The following PDK1 variants were observed in gnomAD, a reference collection of about 807,000 sequenced individuals.
PDK1 encodes the protein [Pyruvate dehydrogenase (acetyl-transferring)] kinase isozyme 1, mitochondrial.
PDK1 carries 39 observed loss-of-function variants against 54.2 expected under a neutral mutation model. The ratio of observed to expected loss-of-function variants is 0.72; its 90% CI spans 0.56 to 0.94. The LOEUF (loss-of-function observed/expected upper bound fraction) is 0.94. Ranked by LOEUF, PDK1 falls within the 40% of genes least tolerant of loss-of-function variation. The pLI is 0.00. For synonymous variants in PDK1, 221 were observed against 207.1 expected, an observed-to-expected ratio of 1.07 and a Z score of -0.58; for missense variants, 552 against 566.0, an observed-to-expected ratio of 0.98 and a Z score of 0.25.
chr2:172,706,775 G>A, the PDK1 span, among the ~76,000 whole-genome samples: 1 of 152,172 alleles, frequency 6.6e-6, no homozygotes, highest in Non-Finnish European at 1.5e-5. Context: ...TTGTGCCTCT[G>A]GCACTTATTT....
intron 2 of PDK1, among the ~76,000 whole-genome samples, chr2:172,559,558 T>C (rs1470290642): frequency 1.3e-5 from 2 of 152,180 alleles, no homozygotes. Context: ...TATTTACTTT[T>C]TGTTTTTGAA....
At chr2:172,719,519 G>A in the PDK1 span, among the ~76,000 whole-genome samples, 2 of 152,146 alleles carry the variant, frequency 1.3e-5, no homozygotes, top group Non-Finnish European at 2.9e-5. Context: ...GGTATGTAGT[G>A]ATGTCTCAGT....
intron 8 of PDK1, among the ~76,000 whole-genome samples, chr2:172,571,988 C>T (rs530003350): frequency 4.6e-5 from 7 of 151,976 alleles, no homozygotes; most frequent in South Asian, 2.1e-4. Context: ...CCCGCCACCA[C>T]GCCTAGCTAA....
chr2:172,650,655 A>G, the PDK1 span, among the ~76,000 whole-genome samples: 20 of 152,142 alleles, frequency 1.3e-4, no homozygotes, highest in African/African-American at 4.6e-4. Flanking sequence ...CAAATGGAAA[A>G]CAAAAAAAAA....
chr2:172,681,320 G>A, the PDK1 span, among the ~76,000 whole-genome samples: 1 of 146,864 alleles, frequency 6.8e-6, no homozygotes, highest in Non-Finnish European at 1.5e-5. Context: ...TAGTGGACAT[G>A]CACATTATGG....
chr2:172,658,012 G>C, the PDK1 span, among the ~76,000 whole-genome samples: 1 of 152,130 alleles, frequency 6.6e-6, no homozygotes, highest in African/African-American at 2.4e-5. Flanking sequence ...AGAGAGAAGG[G>C]GAAAGTGCCT....
chr2:172,703,876 G>C, the PDK1 span, among the ~76,000 whole-genome samples: 1 of 145,680 alleles, frequency 6.9e-6, no homozygotes, highest in Non-Finnish European at 1.5e-5. Flanking sequence ...AAGTTCAAGT[G>C]ATTCTCCTGC....
At chr2:172,690,561 C>G in the PDK1 span, among the ~76,000 whole-genome samples, 1 of 149,692 alleles carries the variant, frequency 6.7e-6, no homozygotes, top group African/African-American at 2.4e-5. Flanking sequence ...TGTTTGTTTA[C>G]TGCGGCACTG....
chr2:172,722,420 G>A, the PDK1 span, among the ~76,000 whole-genome samples: 1 of 152,228 alleles, frequency 6.6e-6, no homozygotes, highest in South Asian at 2.1e-4. Flanking sequence ...CCAGTTATCT[G>A]TAGGTCATTC....
chr2:172,646,310 G>A, the PDK1 span, among the ~76,000 whole-genome samples: 2 of 152,252 alleles, frequency 1.3e-5, no homozygotes, highest in African/African-American at 4.8e-5. Context: ...AGAGAAGGAT[G>A]CTAGAAATGA....
the PDK1 span, among the ~76,000 whole-genome samples, chr2:172,636,363 G>C: frequency 6.6e-6 from 1 of 151,720 alleles, no homozygotes; most frequent in Non-Finnish European, 1.5e-5. Context: ...GAGAGGGCGG[G>C]AGAGAGAGGG....
the PDK1 span, among the ~76,000 whole-genome samples, chr2:172,671,698 C>A: frequency 7.5e-3 from 1,137 of 152,086 alleles, 14 homozygotes; most frequent in African/African-American, 0.026. Flanking sequence ...ACACGTGAGT[C>A]ATAAGGGGTA....
At chr2:172,637,796 A>G in the PDK1 span, among the ~76,000 whole-genome samples, 2 of 152,144 alleles carry the variant, frequency 1.3e-5, no homozygotes, top group Admixed American at 1.3e-4. Context: ...CCCAGGTTCA[A>G]GCAATTCTCG....
Position 172,566,557 on chromosome 2 carries a change from G to GA in PDK1, c.692-288dup, listed in dbSNP as rs775621447. The stretch of plus-strand genomic sequence containing the variant: ...GGTTGATCGAGACTCCGTCTCAAAG[G>GA]AAAAAAAAAAAGGAAAGGCTTTCCC... On this transcript the variant is annotated intron_variant, in intron 5 of 10. Transcript: ENST00000282077. 2.6e-3 allele frequency among the ~76,000 whole-genome samples: 381 copies of GA among 143,810 alleles called. 1 individual carries two copies. Among genetic ancestry groups the GA allele is most frequent in the African/African-American group, 7.9e-3 (311 of 39,210 alleles). The allele number at this position is 143,810 out of a possible 152,430, so 94.3% of individuals were successfully genotyped here. A position where few individuals can be genotyped will look rare whatever the true frequency, so the allele number is the denominator to read the frequency against.
At chr2:172,669,191 C>G in the PDK1 span, among the ~76,000 whole-genome samples, 2 of 150,832 alleles carry the variant, frequency 1.3e-5, no homozygotes, top group African/African-American at 4.9e-5. Context: ...TCCCAAGTAG[C>G]TGGGACTACA....
At chr2:172,593,267 G>GA (rs889328280) in intron 10 of PDK1, among the ~76,000 whole-genome samples, 2 of 152,148 alleles carry the variant, frequency 1.3e-5, no homozygotes, top group East Asian at 1.9e-4. Context: ...CTATTAATAG[G>GA]AAAAAAATTG....
Position 172,604,270 on chromosome 2 carries a change from CAG to C in PDK1, c.*8302_*8303del, listed in dbSNP as rs1476673504. 6.6e-6 allele frequency: 1 copy of C among 152,174 alleles called. No individual in the cohort carries two copies. The highest frequency in any genetic ancestry group is 2.4e-5 in the African/African-American group (1 of 41,428). 9.4% of individuals were successfully genotyped at this position (152,174 alleles called of 1,614,324 possible). The stretch of plus-strand genomic sequence containing the variant: ...CTAATTTTCGTATTTTTAGCAGAGA[CAG>C]GGTGTCGCCACCTCAAGGGATCCAC... On this transcript the variant is annotated 3_prime_UTR_variant, in exon 11 of 11. Coordinates refer to ENST00000282077, the MANE Select transcript of PDK1 (RefSeq NM_002610.5).
chr2:172,666,709 A>C, the PDK1 span, among the ~76,000 whole-genome samples: 1 of 152,180 alleles, frequency 6.6e-6, no homozygotes, highest in Middle Eastern at 3.2e-3. Flanking sequence ...AGAGTAGGTG[A>C]CCGGGGTGAC....
chr2:172,716,348 T>A, the PDK1 span, among the ~76,000 whole-genome samples: 3 of 152,186 alleles, frequency 2.0e-5, no homozygotes, highest in South Asian at 6.2e-4. Context: ...CTTTTTTTTC[T>A]TTTTTTGAGA....
Sources: gnomAD v4.1 joint callset for allele counts (sites outside exome capture counted in the v4.1 genomes callset) on GRCh38, gnomAD v4.1.1 for gene constraint, MANE v1.5 for transcripts, NCBI Gene and HGNC (gene_info 2026-07-23, HGNC 2026-07-21) for gene names.